The following CXCL9 variants were observed in gnomAD, a reference collection of about 807,000 sequenced individuals.
The protein encoded by CXCL9 is C-X-C motif chemokine ligand 9.
In CXCL9, 8 loss-of-function variants were observed where a neutral mutation model predicts 11.7. That is an observed-to-expected ratio of 0.68 (90% CI 0.40 to 1.23). The LOEUF is 1.23. Ranked by LOEUF, CXCL9 falls within the 50% of genes most tolerant of loss-of-function variation. The pLI is 0.01. For synonymous variants in CXCL9, 43 were observed against 48.2 expected, an observed-to-expected ratio of 0.89 and a Z score of 0.45; for missense variants, 133 against 141.7, an observed-to-expected ratio of 0.94 and a Z score of 0.31.
chr4:76,006,278 AGG>A lies in CXCL9; in HGVS notation c.65-6_65-5del. 1 of 1,612,976 alleles carries A rather than the reference AGG, an allele frequency of 6.2e-7. No individual in the cohort carries two copies. The highest frequency in any genetic ancestry group is 8.5e-7 in the Non-Finnish European group (1 of 1,179,224). Reference sequence around the variant, plus strand: ...CCCTTTCTCACTACTGGGGTTCCTGAGGGAAAGAAAAAGATAGAACACATCAG... The same window carrying A: ...CCCTTTCTCACTACTGGGGTTCCTGAGAAAGAAAAAGATAGAACACATCAG... On this transcript the variant is annotated splice_region_variant and splice_polypyrimidine_tract_variant and intron_variant, in intron 1 of 3. Coordinates refer to ENST00000264888, the MANE Select transcript of CXCL9 (RefSeq NM_002416.3).
In CXCL9 at chr4:76,003,566, T is replaced by G; in HGVS notation, c.*32A>C. On this transcript the variant is annotated 3_prime_UTR_variant, in exon 4 of 4. Coordinates refer to ENST00000264888, the MANE Select transcript of CXCL9 (RefSeq NM_002416.3). ...CGGTATAATTAAAATAGAACATTTT[T>G]AACACAGAATACTTATTGGTGAAGT... is the stretch of plus-strand genomic sequence containing the variant. 8.0e-7 allele frequency: 1 copy of G among 1,244,986 alleles called. No individual in the cohort carries two copies. The highest frequency in any genetic ancestry group is 1.2e-5 in the South Asian group (1 of 80,216). The allele number at this position is 1,244,986 out of a possible 1,614,324, so 77.1% of individuals were successfully genotyped here. A position where few individuals can be genotyped will look rare whatever the true frequency, so the allele number is the denominator to read the frequency against.
At chr4:76,005,044 A>ATT (rs1160243265) in intron 2 of CXCL9, 151 bp from the exon 3 acceptor site, 501 of 939,648 alleles carry the variant, frequency 5.3e-4, no homozygotes, top group East Asian at 7.0e-4. Flanking sequence ...CACTGGTTGA[A>ATT]TTTTTTTTTT....
chr4:76,004,992 C>A, intron 2 of CXCL9, 99 bp from the exon 3 acceptor site: 1 of 1,338,104 alleles, frequency 7.5e-7, no homozygotes, highest in Non-Finnish European at 9.6e-7. Flanking sequence ...GCTGAATTTT[C>A]TAATGAAACT....
chr4:76,003,701 T>C lies in CXCL9; in HGVS notation c.277-2A>G, dbSNP rs1184250602. On this transcript the variant is annotated splice_acceptor_variant, in intron 3 of 3. Coordinates refer to ENST00000264888, the MANE Select transcript of CXCL9 (RefSeq NM_002416.3). LOFTEE classifies it high-confidence loss of function. ...CTTTTGCTTTTTCTTTTGGCTGACC[T>C]GTGAGAAGAAGGGGAAAAAGGGCAA... The C allele has an allele frequency of 1.3e-6, 2 of 1,575,444 alleles. No homozygotes were observed. The highest frequency in any genetic ancestry group is 1.7e-6 in the Non-Finnish European group (2 of 1,148,920).
Position 76,003,339 on chromosome 4 carries a change from A to G in CXCL9, c.*259T>C, listed in dbSNP as rs771361822. 28 of 410,666 alleles carry G rather than the reference A, an allele frequency of 6.8e-5. No homozygotes were observed. Among genetic ancestry groups the G allele is most frequent in the Non-Finnish European group, 8.7e-5 (20 of 229,510 alleles). The allele number at this position is 410,666 out of a possible 1,614,324, so 25.4% of individuals were successfully genotyped here. A position where few individuals can be genotyped will look rare whatever the true frequency, so the allele number is the denominator to read the frequency against. On this transcript the variant is annotated 3_prime_UTR_variant, in exon 4 of 4. Transcript: ENST00000264888. ...CATCTGTGTAGACATGGGTATTGCT[A>G]AAATCATGGCCTTAAGCATGATGAA...
intron 2 of CXCL9, 88 bp downstream of exon 2, chr4:76,006,060 A>G (rs2149342256): frequency 8.1e-7 from 1 of 1,229,014 alleles, no homozygotes; most frequent in South Asian, 1.3e-5. Context: ...AAGTGTTTGT[A>G]TGGGCAAGCA....
rs1731555224 is a variant in CXCL9 at position 76,004,883 on chromosome 4, T to G, written c.202A>C (p.Lys68Gln). 6.2e-7 allele frequency: 1 copy of G among 1,604,072 alleles called. No individual in the cohort carries two copies. The highest frequency in any genetic ancestry group is 1.1e-5 in the South Asian group (1 of 88,072). ...CEKIEIIATL[K>Q]NGVQTCLNPD... ...TTTAGACATGTTTGAACTCCATTCTTCAGTGTAGCACTGCCAAAGAAATAG... is the reference window on the plus strand; with the variant it reads ...TTTAGACATGTTTGAACTCCATTCTGCAGTGTAGCACTGCCAAAGAAATAG... Residue 68 changes from lysine to glutamine, a missense_variant, in exon 3 of 4, where the codon AAG (lysine) becomes CAG (glutamine). Coordinates refer to ENST00000264888, the MANE Select transcript of CXCL9 (RefSeq NM_002416.3).
At position 76,006,411 on chromosome 4, in the gene CXCL9, C is replaced by G. The variant is rs1020346534; in HGVS notation, c.65-137G>C. The G allele has an allele frequency of 6.5e-5, 51 of 787,364 alleles. No individual in the cohort carries two copies. In the African/African-American group the frequency reaches 8.6e-4, roughly 13 times the overall value. The allele number at this position is 787,364 out of a possible 1,614,324, so 48.8% of individuals were successfully genotyped here. ...GTGCCTAAAAATAATCACCACAAAC[C>G]TTTGAAGGAGGTATCATCTCTATTT... On this transcript the variant is annotated intron_variant, in intron 1 of 3. Coordinates refer to ENST00000264888, the MANE Select transcript of CXCL9 (RefSeq NM_002416.3).
chr4:76,005,749 A>G, intron 2 of CXCL9: 2 of 167,668 alleles, frequency 1.2e-5, no homozygotes, highest in Non-Finnish European at 2.6e-5. Context: ...AGTGTATAGT[A>G]TATGATTTAA....
intron 1 of CXCL9, among the ~76,000 whole-genome samples, chr4:76,006,720 T>C (rs1731593870): frequency 6.6e-6 from 1 of 152,198 alleles, no homozygotes; most frequent in Admixed American, 6.5e-5. Flanking sequence ...ATGGAACTGG[T>C]GTTGGTGTTG....
intron 2 of CXCL9, 116 bp downstream of exon 2, chr4:76,006,032 G>A: frequency 1.1e-6 from 1 of 906,652 alleles, no homozygotes; most frequent in Non-Finnish European, 1.7e-6. Context: ...TTATGGAGGG[G>A]GTAACCATCT....
At chr4:76,005,027 G>T in intron 2 of CXCL9, 134 bp from the exon 3 acceptor site, 1 of 1,258,424 alleles carries the variant, frequency 7.9e-7, no homozygotes. Context: ...CCTAGGACAA[G>T]ATGAGTCACT....
chr4:76,005,058 CT>C, intron 2 of CXCL9, 165 bp from the exon 3 acceptor site: 4 of 1,020,332 alleles, frequency 3.9e-6, no homozygotes, highest in Non-Finnish European at 5.0e-6. Flanking sequence ...TTTTTTTTTT[CT>C]TTTTTTGAGA....
intron 1 of CXCL9, among the ~76,000 whole-genome samples, chr4:76,007,004 ATAGT>A (rs1014442949): frequency 7.9e-5 from 12 of 152,198 alleles, no homozygotes; most frequent in Non-Finnish European, 1.5e-4. Context: ...GGTAACAAAG[ATAGT>A]TAGTAAATAG....
chr4:76,005,855 A>C, intron 2 of CXCL9: 1 of 273,630 alleles, frequency 3.7e-6, no homozygotes, highest in South Asian at 4.4e-5. Flanking sequence ...CTAAGGGGTT[A>C]ACAGTATTTG....
intron 3 of CXCL9, 44 bp downstream of exon 3, chr4:76,004,765 T>C: frequency 6.3e-7 from 1 of 1,580,178 alleles, no homozygotes; most frequent in Non-Finnish European, 8.6e-7. Flanking sequence ...CTTCTAAAGT[T>C]AATTTCTAAA....
chr4:76,002,367 T>C lies in CXCL9; in HGVS notation c.*1231A>G, dbSNP rs1731483396. ...TGTTGGAGAAGCTGAGCAAACATCC[T>C]GTCATAAAAAGACAAGGATGTTGCA... On this transcript the variant is annotated 3_prime_UTR_variant, in exon 4 of 4. Coordinates refer to ENST00000264888, the MANE Select transcript of CXCL9 (RefSeq NM_002416.3). 2.5e-6 allele frequency: 1 copy of C among 398,474 alleles called. No homozygotes were observed. Among genetic ancestry groups the C allele is most frequent in the African/African-American group, 2.1e-5 (1 of 48,626 alleles). The allele number at this position is 398,474 out of a possible 1,614,324, so 24.7% of individuals were successfully genotyped here.
At chr4:76,004,353 T>C (rs1291267691) in intron 3 of CXCL9, among the ~76,000 whole-genome samples, 1 of 152,208 alleles carries the variant, frequency 6.6e-6, no homozygotes. Flanking sequence ...AAATATCACC[T>C]GACATGAGAA....
chr4:76,004,741 A>G (rs1247055177), intron 3 of CXCL9, 68 bp downstream of exon 3: 3 of 1,536,122 alleles, frequency 2.0e-6, no homozygotes, highest in African/African-American at 1.4e-5. Flanking sequence ...TTAATGAAAA[A>G]GCAGATTCTT....
Sources: allele counts gnomAD v4.1 joint callset (sites outside exome capture counted in the v4.1 genomes callset), GRCh38; gene constraint gnomAD v4.1.1; transcripts MANE v1.5; gene names NCBI Gene and HGNC (gene_info 2026-07-23, HGNC 2026-07-21).